Variants in PPP1CB observed in about 807,000 individuals in gnomAD.
PPP1CB encodes serine/threonine-protein phosphatase PP1-beta catalytic subunit.
PPP1CB carries 2 observed loss-of-function variants against 43.7 expected under a neutral mutation model. That is an observed-to-expected ratio of 0.05 (90% CI 0.02 to 0.14). The LOEUF (loss-of-function observed/expected upper bound fraction) is 0.14, where lower values mean the gene tolerates loss of function less well. PPP1CB is among the 10% of genes least tolerant of loss of function. The pLI, the probability that PPP1CB is intolerant of heterozygous loss-of-function variation, is 1.00. For synonymous variants in PPP1CB, 136 were observed against 135.6 expected, an observed-to-expected ratio of 1.00 and a Z score of -0.02; for missense variants, 84 against 398.0, an observed-to-expected ratio of 0.21 and a Z score of 6.71.
At chr2:28,789,163 C>A (rs1243320831) in intron 6 of PPP1CB, among the ~76,000 whole-genome samples, 1 of 152,090 alleles carries the variant, frequency 6.6e-6, no homozygotes, top group Non-Finnish European at 1.5e-5. Context: ...TCACACTTAA[C>A]AATCTAGTGA....
In PPP1CB at chr2:28,752,042, G is replaced by A. The variant is rs1666302594; in HGVS notation, c.-83G>A. ...GAAACGCCGCGTGACTTGTAGGTGA[G>A]AGAACGCCGAGCCGTCGCCGCAGCC... On this transcript the variant is annotated 5_prime_UTR_variant, in exon 1 of 8. Transcript: ENST00000395366. 2.9e-6 allele frequency: 4 copies of A among 1,357,158 alleles called. No individual in the cohort carries two copies. The African/African-American group carries it at 5.8e-5, about 20-fold the overall frequency. 84.1% of individuals were successfully genotyped at this position (1,357,158 alleles called of 1,614,324 possible). A position where few individuals can be genotyped will look rare whatever the true frequency, so the allele number is the denominator to read the frequency against.
At chr2:28,771,157 G>A (rs1666904621) in intron 1 of PPP1CB, among the ~76,000 whole-genome samples, 2 of 149,148 alleles carry the variant, frequency 1.3e-5, no homozygotes, top group Admixed American at 1.4e-4. Context: ...GGGTTCAAGC[G>A]ATTCTCCTGC....
chr2:28,773,609 C>T (rs1430728785), intron 1 of PPP1CB, among the ~76,000 whole-genome samples: 1 of 152,202 alleles, frequency 6.6e-6, no homozygotes, highest in African/African-American at 2.4e-5. Flanking sequence ...TGGAATCCCT[C>T]ATGGATGCTG....
chr2:28,767,661 T>C (rs1331915595), intron 1 of PPP1CB, among the ~76,000 whole-genome samples: 1 of 152,234 alleles, frequency 6.6e-6, no homozygotes, highest in Non-Finnish European at 1.5e-5. Context: ...TCTGCCATTG[T>C]AGCATGAATG....
At chr2:28,760,634 C>G (rs1432031769) in intron 1 of PPP1CB, among the ~76,000 whole-genome samples, 1 of 152,210 alleles carries the variant, frequency 6.6e-6, no homozygotes, top group East Asian at 1.9e-4. Flanking sequence ...ACCATTTTAA[C>G]CTTCCCCCTA....
rs567488018 is a variant in PPP1CB at position 28,772,978 on chromosome 2, A to G, written c.53-3873A>G. ...AGCATTCTTATGTTTCTTTTTATCT[A>G]AAAGTCTAATTCACAAATACATCAA... On this transcript the variant is annotated intron_variant, in intron 1 of 7. Coordinates refer to ENST00000395366, the MANE Select transcript of PPP1CB (RefSeq NM_002709.3). 2.0e-5 allele frequency among the ~76,000 whole-genome samples: 3 copies of G among 152,310 alleles called. No homozygotes were observed. In the South Asian group the frequency reaches 6.2e-4, roughly 32 times the overall value.
rs367543174 is a variant in PPP1CB, at chr2:28,776,912, T to C, written c.114T>C (p.Cys38=). The change falls in exon 2 of 8, where the codon TGT becomes TGC. Residue 38 remains cysteine (C), a synonymous_variant. Transcript: ENST00000395366. The part of the protein sequence containing the change: ...QMTEAEVRGL[C]IKSREIFLSQ... Reference sequence around the variant, plus strand: ...CTGAAGCAGAAGTTCGAGGCTTATGTATCAAGTCTCGGGAGATCTTTCTCA... The same window carrying C: ...CTGAAGCAGAAGTTCGAGGCTTATGCATCAAGTCTCGGGAGATCTTTCTCA... The C allele has an allele frequency of 9.3e-6, 15 of 1,613,588 alleles. 1 individual carries two copies. In the African/African-American group the frequency reaches 1.7e-4, roughly 19 times the overall value.
chr2:28,777,643 T>C (rs1436823578), intron 2 of PPP1CB, among the ~76,000 whole-genome samples: 2 of 152,136 alleles, frequency 1.3e-5, no homozygotes, highest in Non-Finnish European at 2.9e-5. Flanking sequence ...AATGTTTGTT[T>C]TTTGTTTGTT....
At chr2:28,769,154 T>G (rs11127189) in intron 1 of PPP1CB, among the ~76,000 whole-genome samples, 77,492 of 152,026 alleles carry the variant, frequency 0.51, 20,388 homozygotes, top group Middle Eastern at 0.61. Flanking sequence ...ATGGCTGATC[T>G]ATCACCTGAA....
intron 3 of PPP1CB, among the ~76,000 whole-genome samples, chr2:28,781,119 A>G (rs938666461): frequency 1.3e-5 from 2 of 152,156 alleles, no homozygotes; most frequent in Admixed American, 6.5e-5. Flanking sequence ...AAATTGCTAT[A>G]TTATACTGAT....
chr2:28,774,585 C>A (rs1023104420), intron 1 of PPP1CB, among the ~76,000 whole-genome samples: 1 of 152,138 alleles, frequency 6.6e-6, no homozygotes, highest in Non-Finnish European at 1.5e-5. Context: ...GCCACCACTC[C>A]CGGCTAATTC....
At chr2:28,795,927 G>A (rs1192680635) in intron 7 of PPP1CB, among the ~76,000 whole-genome samples, 1 of 152,120 alleles carries the variant, frequency 6.6e-6, no homozygotes, top group Non-Finnish European at 1.5e-5. Context: ...ATAGTGTGAG[G>A]TCTTATATTT....
At position 28,802,121 on chromosome 2, in the gene PPP1CB, G is replaced by A. The variant is rs761843288; in HGVS notation, c.*2818G>A. The A allele has an allele frequency of 2.0e-5, 3 of 152,244 alleles. No individual in the cohort carries two copies. The highest frequency in any genetic ancestry group is 6.5e-5 in the Admixed American group (1 of 15,284). 9.4% of individuals were successfully genotyped at this position (152,244 alleles called of 1,614,324 possible). Reference sequence around the variant, plus strand: ...AATAGGTGGTAAATTTGAAGTATGAGTGTGTTCACGAGAAACATAGGCTTT... The same window carrying A: ...AATAGGTGGTAAATTTGAAGTATGAATGTGTTCACGAGAAACATAGGCTTT... On this transcript the variant is annotated 3_prime_UTR_variant, in exon 8 of 8. Coordinates refer to ENST00000395366, the MANE Select transcript of PPP1CB (RefSeq NM_002709.3).
At chr2:28,785,784 G>C (rs1441107178) in intron 5 of PPP1CB, among the ~76,000 whole-genome samples, 1 of 152,044 alleles carries the variant, frequency 6.6e-6, no homozygotes, top group Non-Finnish European at 1.5e-5. Context: ...ATTCTAGCCT[G>C]GGTGACACAG....
At chr2:28,787,682 T>C (rs539143358) in intron 5 of PPP1CB, among the ~76,000 whole-genome samples, 3 of 152,232 alleles carry the variant, frequency 2.0e-5, no homozygotes, top group East Asian at 1.9e-4. Flanking sequence ...TTTCCTACTT[T>C]AGGACGATTG....
At chr2:28,770,404 G>A (rs1045318000) in intron 1 of PPP1CB, among the ~76,000 whole-genome samples, 2 of 149,890 alleles carry the variant, frequency 1.3e-5, no homozygotes, top group African/African-American at 4.9e-5. Context: ...GGGGGTGTGG[G>A]GGAGACGATA....
At chr2:28,792,949 T>A (rs555781309) in intron 6 of PPP1CB, among the ~76,000 whole-genome samples, 1 of 152,302 alleles carries the variant, frequency 6.6e-6, no homozygotes, top group East Asian at 1.9e-4. Flanking sequence ...CTCACGCCTG[T>A]AATCCCAGCA....
At position 28,769,395 on chromosome 2, in the gene PPP1CB, C is replaced by G. The variant is rs149607671; in HGVS notation, c.53-7456C>G. On this transcript the variant is annotated intron_variant, in intron 1 of 7. Transcript: ENST00000395366. ...GGGATTACAGGCATGTGCCACCACG[C>G]CTGGCTAATTTTGTATTTTTAGTAG... Among the ~76,000 whole-genome samples, 1,072 of 152,266 alleles carry G rather than the reference C, an allele frequency of 7.0e-3. 11 individuals are homozygous for G. The highest frequency in any genetic ancestry group is 0.025 in the African/African-American group (1,018 of 41,532).
intron 5 of PPP1CB, 102 bp downstream of exon 5, chr2:28,784,080 G>T: frequency 1.2e-6 from 1 of 858,026 alleles, no homozygotes; most frequent in Non-Finnish European, 1.8e-6. Flanking sequence ...ATAAATAAAA[G>T]AGCTTTTTTC....
Sources: gnomAD v4.1 joint callset for allele counts (sites outside exome capture counted in the v4.1 genomes callset) on GRCh38, gnomAD v4.1.1 for gene constraint, MANE v1.5 for transcripts, NCBI Gene and HGNC (gene_info 2026-07-23, HGNC 2026-07-21) for gene names.